DNAJC6: variants seen among roughly 807,000 people sequenced by gnomAD.
DNAJC6 encodes the protein DnaJ heat shock protein family (Hsp40) member C6, also known as auxilin.
In DNAJC6, 34 loss-of-function variants were observed where a neutral mutation model predicts 110.0. The observed-to-expected ratio is 0.31, with a 90% CI of 0.24 to 0.41. DNAJC6 has a LOEUF of 0.41. Among genes scored for constraint, DNAJC6 ranks in the 10% least tolerant of loss-of-function variants. The pLI is 1.00. For synonymous variants in DNAJC6, 406 were observed against 437.2 expected, an observed-to-expected ratio of 0.93 and a Z score of 0.89; for missense variants, 1,031 against 1,207.8, an observed-to-expected ratio of 0.85 and a Z score of 2.17.
rs758919489 is a variant in DNAJC6, at chr1:65,364,637, G to C, written c.196G>C (p.Ala66Pro). The C allele has an allele frequency of 1.3e-6, 2 of 1,562,042 alleles. No homozygotes were observed. Among genetic ancestry groups the C allele is most frequent in the South Asian group, 2.4e-5 (2 of 83,776 alleles). The change falls in exon 2 of 19, where the codon GCC (alanine) becomes CCC (proline). Residue 66 changes from alanine to proline, a missense_variant and splice_region_variant. By Grantham distance (27) the Ala-to-Pro change is conservative (BLOSUM62 -1). Transcript: ENST00000371069. ...TTGTTTTTTTTTTTTTTTGGCAGGT[G>C]CCTCATCTCCAGACATGGAGCCCAG... ...DRASTMDSSGASSPDMEPSYG... is the reference protein window; with the variant it reads ...DRASTMDSSGPSSPDMEPSYG...
chr1:65,309,665 T>A lies in DNAJC6; in HGVS notation c.-81T>A. Reference sequence around the variant, plus strand: ...GCACTTAATTTTTTTTTTTTTTTAATTCCTTCTTCAGCCCTTTCCACCTTC... The same window carrying A: ...GCACTTAATTTTTTTTTTTTTTTAAATCCTTCTTCAGCCCTTTCCACCTTC... On this transcript the variant is annotated 5_prime_UTR_variant, in exon 1 of 19. Coordinates refer to ENST00000371069, the MANE Select transcript of DNAJC6 (RefSeq NM_001256864.2). 1 of 1,457,914 alleles carries A rather than the reference T, an allele frequency of 6.9e-7. No homozygotes were observed. The highest frequency in any genetic ancestry group is 9.0e-7 in the Non-Finnish European group (1 of 1,108,208). 90.3% of individuals were successfully genotyped at this position (1,457,914 alleles called of 1,614,324 possible).
At chr1:65,359,535 C>G (rs1351801582) in intron 1 of DNAJC6, among the ~76,000 whole-genome samples, 2 of 152,228 alleles carry the variant, frequency 1.3e-5, no homozygotes, top group Admixed American at 6.5e-5. Context: ...CTCACATGCT[C>G]TGTCAACTCT....
At chr1:65,376,831 G>A (rs1010820475) in intron 4 of DNAJC6, among the ~76,000 whole-genome samples, 1 of 152,046 alleles carries the variant, frequency 6.6e-6, no homozygotes, top group African/African-American at 2.4e-5. Context: ...GTGCAATGGT[G>A]TGATCTCAGT....
chr1:65,311,215 G>GTTTTTTT lies in DNAJC6; in HGVS notation c.193+1298_193+1304dup, dbSNP rs71056098. On this transcript the variant is annotated intron_variant, in intron 1 of 18. Coordinates refer to ENST00000371069, the MANE Select transcript of DNAJC6 (RefSeq NM_001256864.2). ...CCAAGGGATTGATGGTTTCAGGACT[G>GTTTTTTT]TTTTTTTTTTTTTTTTTTTTTTTTT... Among the ~76,000 whole-genome samples, 98 of 68,884 alleles carry GTTTTTTT rather than the reference G, an allele frequency of 1.4e-3. 20 individuals carry two copies. The highest frequency in any genetic ancestry group is 1.6e-3 in the Non-Finnish European group (59 of 37,358). The allele number at this position is 68,884 out of a possible 152,430, so 45.2% of individuals were successfully genotyped here.
At chr1:65,395,371 A>G (rs1382603274) in intron 13 of DNAJC6, among the ~76,000 whole-genome samples, 1 of 152,248 alleles carries the variant, frequency 6.6e-6, no homozygotes, top group East Asian at 1.9e-4. Context: ...TGCCACTATG[A>G]AATGATTGGA....
At chr1:65,344,766 G>T (rs1430421685) in intron 1 of DNAJC6, among the ~76,000 whole-genome samples, 4 of 152,100 alleles carry the variant, frequency 2.6e-5, no homozygotes, top group African/African-American at 9.7e-5. Flanking sequence ...AATTAAGCCA[G>T]AAAGGCAGGC....
chr1:65,367,307 G>A (rs1230866239), intron 4 of DNAJC6, among the ~76,000 whole-genome samples: 3 of 152,174 alleles, frequency 2.0e-5, no homozygotes, highest in Non-Finnish European at 4.4e-5. Flanking sequence ...ATAAAGCACT[G>A]ATAACGCCAT....
intron 14 of DNAJC6, among the ~76,000 whole-genome samples, chr1:65,399,335 G>C (rs539828411): frequency 2.5e-4 from 38 of 152,254 alleles, no homozygotes; most frequent in Admixed American, 2.2e-3. Context: ...TCTTTACAAA[G>C]TACTTACTTC....
At chr1:65,324,091 T>C (rs867362526) in intron 1 of DNAJC6, among the ~76,000 whole-genome samples, 12 of 152,274 alleles carry the variant, frequency 7.9e-5, no homozygotes, top group Middle Eastern at 3.4e-3. Flanking sequence ...GGTGGAGAAT[T>C]TTCTCTCTTC....
intron 1 of DNAJC6, among the ~76,000 whole-genome samples, chr1:65,321,302 G>C (rs903243082): frequency 8.5e-5 from 13 of 152,272 alleles, no homozygotes; most frequent in African/African-American, 3.1e-4. Context: ...CTGGGCTCAA[G>C]CAAGGCTCCT....
chr1:65,356,311 A>G (rs1645542846), intron 1 of DNAJC6, among the ~76,000 whole-genome samples: 1 of 152,066 alleles, frequency 6.6e-6, no homozygotes, highest in African/African-American at 2.4e-5. Context: ...GTGGCTCATA[A>G]CTGTAATTCC....
chr1:65,267,585 G>C (rs917007711), intron 1 of DNAJC6, among the ~76,000 whole-genome samples: 3 of 151,660 alleles, frequency 2.0e-5, no homozygotes, highest in African/African-American at 7.3e-5. Context: ...GTGAGTTTCA[G>C]TCAAAGAAGT....
At chr1:65,275,457 T>G (rs892960022) in intron 1 of DNAJC6, among the ~76,000 whole-genome samples, 1 of 152,224 alleles carries the variant, frequency 6.6e-6, no homozygotes, top group Admixed American at 6.5e-5. Context: ...GTCAGTCTTA[T>G]GTTGTTATTT....
chr1:65,410,246 C>T (rs9436290), intron 17 of DNAJC6, among the ~76,000 whole-genome samples: 4,086 of 152,120 alleles, frequency 0.027, 186 homozygotes, highest in African/African-American at 0.093. Flanking sequence ...CATATACCAC[C>T]GTTCTGTATA....
At chr1:65,388,937 C>T (rs544493588) in intron 9 of DNAJC6, among the ~76,000 whole-genome samples, 7 of 152,238 alleles carry the variant, frequency 4.6e-5, no homozygotes, top group South Asian at 2.1e-4. Context: ...TGTTCAAGGG[C>T]TCAGGACAGT....
intron 11 of DNAJC6, among the ~76,000 whole-genome samples, chr1:65,391,917 A>G (rs1570365100): frequency 1.3e-5 from 2 of 152,282 alleles, no homozygotes; most frequent in South Asian, 4.1e-4. Flanking sequence ...AGCTGGGATT[A>G]CAGGCACACG....
chr1:65,364,276 CT>C (rs910191634), intron 1 of DNAJC6, among the ~76,000 whole-genome samples: 22 of 148,526 alleles, frequency 1.5e-4, no homozygotes, highest in East Asian at 3.9e-4. Context: ...ACTTTACATT[CT>C]TTTTTTTTTG....
intron 1 of DNAJC6, among the ~76,000 whole-genome samples, chr1:65,281,194 CGG>C (rs1490995984): frequency 1.3e-5 from 2 of 152,066 alleles, no homozygotes; most frequent in Non-Finnish European, 2.9e-5. Context: ...CCCAAAGTGA[CGG>C]GATTACAAGC....
At chr1:65,324,165 CTCTT>C (rs755389629) in intron 1 of DNAJC6, among the ~76,000 whole-genome samples, 5 of 151,628 alleles carry the variant, frequency 3.3e-5, no homozygotes, top group Non-Finnish European at 7.4e-5. Flanking sequence ...TAAGTTTTTT[CTCTT>C]TCTTTATTTT....
Sources: allele counts gnomAD v4.1 joint callset (sites outside exome capture counted in the v4.1 genomes callset), GRCh38; gene constraint gnomAD v4.1.1; transcripts MANE v1.5; gene names NCBI Gene and HGNC (gene_info 2026-07-23, HGNC 2026-07-21).